SLC4A4: variants seen among roughly 807,000 people sequenced by gnomAD.
SLC4A4 encodes electrogenic sodium bicarbonate cotransporter 1.
Under a neutral mutation model 111.5 loss-of-function variants are expected in SLC4A4, and 27 were observed. The observed-to-expected ratio is 0.24, with a 90% CI of 0.18 to 0.33. SLC4A4 has a LOEUF of 0.33. SLC4A4 is among the 10% of genes least tolerant of loss of function. The pLI is 1.00. For missense variants in SLC4A4, 909 were observed against 1,315.5 expected (o/e 0.69, Z 4.78); for synonymous variants, 443 against 463.4 (o/e 0.96, Z 0.57).
chr4:71,415,643 T>G (rs1374983471), intron 7 of SLC4A4, among the ~76,000 whole-genome samples: 1 of 152,234 alleles, frequency 6.6e-6, no homozygotes. Context: ...TGGTGAAATA[T>G]TTGCTTTTAA....
intron 20 of SLC4A4, among the ~76,000 whole-genome samples, chr4:71,548,756 T>C (rs1735750819): frequency 6.6e-6 from 1 of 151,854 alleles, no homozygotes; most frequent in Admixed American, 6.6e-5. Context: ...ATTCAAACAA[T>C]ATAGAAGTAC....
At chr4:71,150,714 C>T (rs1196620945) in intron 2 of SLC4A4, among the ~76,000 whole-genome samples, 3 of 152,074 alleles carry the variant, frequency 2.0e-5, no homozygotes, top group Admixed American at 1.3e-4. Flanking sequence ...CAGGTGAGAG[C>T]GCTTGGGATT....
chr4:71,437,278 G>A (rs1724247848), intron 7 of SLC4A4: 4 of 365,382 alleles, frequency 1.1e-5, no homozygotes, highest in South Asian at 1.0e-4. Context: ...ACGGAAATGG[G>A]GAGTGTCCAG....
intron 1 of SLC4A4, among the ~76,000 whole-genome samples, chr4:71,085,165 G>C (rs1429206142): frequency 6.6e-6 from 1 of 152,042 alleles, no homozygotes; most frequent in Non-Finnish European, 1.5e-5. Context: ...GTGAAGATGA[G>C]CATTTTTTCA....
intron 2 of SLC4A4, among the ~76,000 whole-genome samples, chr4:71,252,230 C>T (rs894924922): frequency 1.3e-5 from 2 of 152,144 alleles, no homozygotes; most frequent in Non-Finnish European, 2.9e-5. Flanking sequence ...TCCATTACAG[C>T]TCATTTTACT....
chr4:71,064,560 A>C (rs1324046113), intron 1 of SLC4A4, among the ~76,000 whole-genome samples: 2 of 152,232 alleles, frequency 1.3e-5, no homozygotes, highest in Admixed American at 6.5e-5. Flanking sequence ...ATAATTTGAA[A>C]TGAAAACCAA....
At chr4:71,176,072 G>T (rs1007878126) in intron 2 of SLC4A4, among the ~76,000 whole-genome samples, 3 of 152,216 alleles carry the variant, frequency 2.0e-5, no homozygotes, top group African/African-American at 7.2e-5. Flanking sequence ...AACATGGTCT[G>T]GAGTGGACCT....
rs952260658 is a variant in SLC4A4 at position 71,569,353 on chromosome 4, T to C, written c.*1602T>C. ...GTAATGGGATTGCAGAGCTGCAGAG[T>C]ACAGTGTAACAGTACTCTCATGCAA... On this transcript the variant is annotated 3_prime_UTR_variant, in exon 26 of 26. Coordinates refer to ENST00000264485, the MANE Select transcript of SLC4A4 (RefSeq NM_001098484.3). 1 of 151,620 alleles carries C rather than the reference T, an allele frequency of 6.6e-6. No homozygotes were observed. Among genetic ancestry groups the C allele is most frequent in the Non-Finnish European group, 1.5e-5 (1 of 67,764 alleles). 9.4% of individuals were successfully genotyped at this position (151,620 alleles called of 1,614,324 possible).
chr4:71,417,701 C>T (rs888518285), intron 7 of SLC4A4, among the ~76,000 whole-genome samples: 1 of 152,110 alleles, frequency 6.6e-6, no homozygotes, highest in African/African-American at 2.4e-5. Context: ...AAAATATGCT[C>T]ATTAAAAATT....
At chr4:71,324,074 C>T (rs1199505369) in intron 3 of SLC4A4, among the ~76,000 whole-genome samples, 1 of 151,896 alleles carries the variant, frequency 6.6e-6, no homozygotes, top group East Asian at 1.9e-4. Context: ...GGGGACCCAG[C>T]AAATTCTTGG....
intron 6 of SLC4A4, among the ~76,000 whole-genome samples, chr4:71,363,844 G>C (rs770758437): frequency 5.3e-5 from 8 of 152,122 alleles, no homozygotes; most frequent in East Asian, 3.9e-4. Context: ...TAAATGAACC[G>C]ATCTATGGAA....
At chr4:71,344,625 C>G (rs1481222166) in intron 4 of SLC4A4, among the ~76,000 whole-genome samples, 1 of 152,112 alleles carries the variant, frequency 6.6e-6, no homozygotes, top group Non-Finnish European at 1.5e-5. Flanking sequence ...CAGACTTCTC[C>G]AGCTCCATGT....
chr4:71,137,675 G>C (rs536437075), intron 2 of SLC4A4, among the ~76,000 whole-genome samples: 1 of 152,286 alleles, frequency 6.6e-6, no homozygotes, highest in East Asian at 1.9e-4. Flanking sequence ...AGTGGTTGCT[G>C]CCTGTCCACC....
chr4:71,375,170 C>T (rs868866762), intron 6 of SLC4A4, among the ~76,000 whole-genome samples: 13 of 152,228 alleles, frequency 8.5e-5, no homozygotes, highest in Middle Eastern at 3.4e-3. Context: ...CATATGGAAA[C>T]GCATCTTACA....
intron 1 of SLC4A4, among the ~76,000 whole-genome samples, chr4:71,207,082 A>G (rs2149008142): frequency 6.6e-6 from 1 of 152,326 alleles, no homozygotes; most frequent in East Asian, 1.9e-4. Flanking sequence ...ACTGTAGTGT[A>G]TATTGAGAAC....
intron 2 of SLC4A4, among the ~76,000 whole-genome samples, chr4:71,177,299 T>C (rs1446267265): frequency 6.6e-6 from 1 of 152,138 alleles, no homozygotes; most frequent in Non-Finnish European, 1.5e-5. Flanking sequence ...GCTAACATCA[T>C]AATGACAGGA....
chr4:71,281,340 C>T (rs754117210), intron 3 of SLC4A4, among the ~76,000 whole-genome samples: 2 of 152,112 alleles, frequency 1.3e-5, no homozygotes, highest in African/African-American at 2.4e-5. Context: ...AACAAGAGTA[C>T]GTTTGGTTTT....
At chr4:71,339,913 T>C in intron 4 of SLC4A4, among the ~76,000 whole-genome samples, 1 of 152,086 alleles carries the variant, frequency 6.6e-6, no homozygotes, top group Non-Finnish European at 1.5e-5. Context: ...TTATTACTCA[T>C]TCCCTGTCAA....
intron 2 of SLC4A4, among the ~76,000 whole-genome samples, chr4:71,159,303 A>G (rs1443300753): frequency 6.6e-6 from 1 of 152,156 alleles, no homozygotes; most frequent in Non-Finnish European, 1.5e-5. Context: ...TGATGCAGAT[A>G]ATATGTTTGT....
Sources: allele counts gnomAD v4.1 joint callset (sites outside exome capture counted in the v4.1 genomes callset), GRCh38; gene constraint gnomAD v4.1.1; transcripts MANE v1.5; gene names NCBI Gene and HGNC (gene_info 2026-07-23, HGNC 2026-07-21).